The following PSMD1 variants were observed in gnomAD, a reference collection of about 807,000 sequenced individuals.
The protein encoded by PSMD1 is 26S proteasome non-ATPase regulatory subunit 1.
PSMD1 carries 18 observed loss-of-function variants against 119.0 expected under a neutral mutation model. The ratio of observed to expected loss-of-function variants is 0.15; its 90% CI spans 0.10 to 0.22. The LOEUF is 0.22. Among genes scored for constraint, PSMD1 ranks in the 10% least tolerant of loss-of-function variants. The pLI is 1.00. For missense variants in PSMD1, 702 were observed against 1,158.5 expected (o/e 0.61, Z 5.72); for synonymous variants, 374 against 396.6 (o/e 0.94, Z 0.68).
intron 16 of PSMD1, among the ~76,000 whole-genome samples, chr2:231,128,761 G>C (rs1695786918): frequency 6.6e-6 from 1 of 152,154 alleles, no homozygotes; most frequent in Admixed American, 6.5e-5. Context: ...AGCTAGTCTA[G>C]GAGTGGGGGT....
chr2:231,085,215 A>G (rs1694402413), intron 15 of PSMD1, 101 bp downstream of exon 15: 2 of 925,238 alleles, frequency 2.2e-6, no homozygotes, highest in South Asian at 2.7e-5. Flanking sequence ...CATGACCACC[A>G]CCAGTGGTCT....
chr2:231,066,502 G>A (rs13416929), intron 4 of PSMD1, among the ~76,000 whole-genome samples: 70,004 of 151,992 alleles, frequency 0.46, 18,208 homozygotes, highest in African/African-American at 0.7. Context: ...ATCGGGTAGA[G>A]TAATAAAATT....
chr2:231,084,916 T>C (rs1281183872), intron 14 of PSMD1, 103 bp from the exon 15 acceptor site: 1 of 868,248 alleles, frequency 1.2e-6, no homozygotes, highest in African/African-American at 1.7e-5. Context: ...CATCATTTCC[T>C]ATCTGAGACC....
chr2:231,073,461 A>G (rs1694087403), intron 7 of PSMD1, among the ~76,000 whole-genome samples: 1 of 152,158 alleles, frequency 6.6e-6, no homozygotes, highest in East Asian at 1.9e-4. Context: ...AGGTATTGTA[A>G]GACCTACAAT....
At chr2:231,061,966 T>G (rs1039710796) in intron 2 of PSMD1, among the ~76,000 whole-genome samples, 2 of 152,254 alleles carry the variant, frequency 1.3e-5, no homozygotes, top group African/African-American at 4.8e-5. Context: ...AAATTTGGAA[T>G]GTCCTTCTGG....
chr2:231,139,739 T>C (rs1696061349), intron 17 of PSMD1, among the ~76,000 whole-genome samples: 1 of 152,166 alleles, frequency 6.6e-6, no homozygotes, highest in Admixed American at 6.5e-5. Flanking sequence ...AACATTTCTG[T>C]TTTAAGCAAA....
intron 16 of PSMD1, among the ~76,000 whole-genome samples, chr2:231,109,570 T>C (rs1695086147): frequency 6.6e-6 from 1 of 152,216 alleles, no homozygotes; most frequent in African/African-American, 2.4e-5. Context: ...CAGTGAAGAT[T>C]TGACAAACAG....
chr2:231,158,783 G>T (rs184133226), intron 19 of PSMD1, among the ~76,000 whole-genome samples: 1 of 152,272 alleles, frequency 6.6e-6, no homozygotes, highest in East Asian at 1.9e-4. Context: ...TGAGACTGGA[G>T]TCTCCTTAGG....
intron 18 of PSMD1, among the ~76,000 whole-genome samples, chr2:231,148,879 G>T (rs1696307971): frequency 1.3e-5 from 2 of 152,154 alleles, no homozygotes; most frequent in Admixed American, 1.3e-4. Context: ...AGAAAAATCT[G>T]TTGAGAAACT....
Position 231,056,941 on chromosome 2 carries a change from G to C in PSMD1, c.-85G>C. On this transcript the variant is annotated 5_prime_UTR_variant, in exon 1 of 25. Coordinates refer to ENST00000308696, the MANE Select transcript of PSMD1 (RefSeq NM_002807.4). Reference sequence around the variant, plus strand: ...GCGCACCCGGGGAGCAAGGAGGCGCGGTGAACTGAGCGGCCCCTGAGCTGA... The same window carrying C: ...GCGCACCCGGGGAGCAAGGAGGCGCCGTGAACTGAGCGGCCCCTGAGCTGA... 6.6e-7 allele frequency: 1 copy of C among 1,518,946 alleles called. No homozygotes were observed. Among genetic ancestry groups the C allele is most frequent in the South Asian group, 1.2e-5 (1 of 83,506 alleles). 94.1% of individuals were successfully genotyped at this position (1,518,946 alleles called of 1,614,324 possible). A position where few individuals can be genotyped will look rare whatever the true frequency, so the allele number is the denominator to read the frequency against.
At chr2:231,081,917 A>G (rs1198066992) in intron 12 of PSMD1, among the ~76,000 whole-genome samples, 2 of 152,020 alleles carry the variant, frequency 1.3e-5, no homozygotes, top group African/African-American at 4.8e-5. Context: ...ACTCTCATCT[A>G]TCCTAAACAA....
At chr2:231,087,026 CA>C in intron 15 of PSMD1, 90 bp from the exon 16 acceptor site, 1 of 959,026 alleles carries the variant, frequency 1.0e-6, no homozygotes, top group Non-Finnish European at 1.7e-6. Flanking sequence ...GTGAGGTATA[CA>C]CTCACTGTTG....
At chr2:231,117,559 G>A (rs1695387293) in intron 16 of PSMD1, among the ~76,000 whole-genome samples, 1 of 152,056 alleles carries the variant, frequency 6.6e-6, no homozygotes, top group Non-Finnish European at 1.5e-5. Flanking sequence ...ATAGACAATT[G>A]TTTAATTATC....
chr2:231,108,543 T>A lies in PSMD1; in HGVS notation c.1883+21362T>A, dbSNP rs745643878. On this transcript the variant is annotated intron_variant, in intron 16 of 24. Coordinates refer to ENST00000308696, the MANE Select transcript of PSMD1 (RefSeq NM_002807.4). ...TATACATAACTAACTTGCTCTTCAGTTTTGTCACCTTCATTTTCAGTGAGG... is the reference window on the plus strand; with the variant it reads ...TATACATAACTAACTTGCTCTTCAGATTTGTCACCTTCATTTTCAGTGAGG... 16 of 1,613,816 alleles carry A rather than the reference T, an allele frequency of 9.9e-6. No homozygotes were observed. The African/African-American group carries it at 2.1e-4, about 22-fold the overall frequency.
Position 231,139,558 on chromosome 2 carries a change from T to TAAAA in PSMD1, c.1998+722_1998+725dup, listed in dbSNP as rs35924284. Among the ~76,000 whole-genome samples, 48 of 114,322 alleles carry TAAAA rather than the reference T, an allele frequency of 4.2e-4. No homozygotes were observed. In the South Asian group the frequency reaches 9.0e-3, roughly 21 times the overall value. 75.0% of individuals were successfully genotyped at this position (114,322 alleles called of 152,430 possible). On this transcript the variant is annotated intron_variant, in intron 17 of 24. Transcript: ENST00000308696. ...CACTGTGCCTGGCCCATTGATTTCT[T>TAAAA]AAAAAAAAAAAAAAAAAGAAGAAGA...
chr2:231,170,370 T>A lies in PSMD1; in HGVS notation c.2716-196T>A, dbSNP rs1453803901. 50 of 495,716 alleles carry A rather than the reference T, an allele frequency of 1.0e-4. No individual in the cohort carries two copies. The highest frequency in any genetic ancestry group is 5.2e-5 in the Non-Finnish European group (15 of 291,062). The allele number at this position is 495,716 out of a possible 1,614,324, so 30.7% of individuals were successfully genotyped here. On this transcript the variant is annotated intron_variant, in intron 23 of 24. Coordinates refer to ENST00000308696, the MANE Select transcript of PSMD1 (RefSeq NM_002807.4). The surrounding 1 kb of genome is among the most constrained non-coding windows in gnomAD (Gnocchi z 4.1). ...TAGAACAGCATCACATGTTATACCATCTAGAGCTACTGGGTTAAGTTTGCA... is the reference window on the plus strand; with the variant it reads ...TAGAACAGCATCACATGTTATACCAACTAGAGCTACTGGGTTAAGTTTGCA...
In PSMD1 at chr2:231,170,867, C is replaced by T. The variant is rs915849302; in HGVS notation, c.*9+146C>T. ...AGTATTAAAACTTCCCCGTTTCAAC[C>T]TTTTTCTGCATATATAACCACAAAT... On this transcript the variant is annotated intron_variant, in intron 24 of 24. Coordinates refer to ENST00000308696, the MANE Select transcript of PSMD1 (RefSeq NM_002807.4). The surrounding 1 kb of genome is among the most constrained non-coding windows in gnomAD (Gnocchi z 4.1). 2 of 864,718 alleles carry T rather than the reference C, an allele frequency of 2.3e-6. No homozygotes were observed. Among genetic ancestry groups the T allele is most frequent in the Non-Finnish European group, 3.3e-6 (2 of 599,826 alleles). 53.6% of individuals were successfully genotyped at this position (864,718 alleles called of 1,614,324 possible).
At chr2:231,138,384 C>G (rs897403516) in intron 16 of PSMD1, among the ~76,000 whole-genome samples, 1 of 152,114 alleles carries the variant, frequency 6.6e-6, no homozygotes, top group Admixed American at 6.5e-5. Flanking sequence ...GAACAAAATG[C>G]AAAGTAACCA....
intron 19 of PSMD1, among the ~76,000 whole-genome samples, chr2:231,157,537 T>C (rs889448732): frequency 6.6e-6 from 1 of 151,796 alleles, no homozygotes; most frequent in African/African-American, 2.4e-5. Flanking sequence ...TTCTCTTTAT[T>C]TATAACAATT....
Sources: gnomAD v4.1 joint callset for allele counts (sites outside exome capture counted in the v4.1 genomes callset) on GRCh38, gnomAD v4.1.1 for gene constraint, Gnocchi (gnomAD v3.1) non-coding constraint, MANE v1.5 for transcripts, NCBI Gene and HGNC (gene_info 2026-07-23, HGNC 2026-07-21) for gene names.